Variants in GLIPR2 observed in about 807,000 individuals in gnomAD.
GLIPR2 encodes the protein GLI pathogenesis related 2, also known as Golgi-associated plant pathogenesis-related protein 1.
In GLIPR2, 21 loss-of-function variants were observed where a neutral mutation model predicts 20.4. That is an observed-to-expected ratio of 1.03 (90% CI 0.73 to 1.48). The LOEUF is 1.48. Among genes scored for constraint, GLIPR2 ranks in the 40% most tolerant of loss-of-function variants. The pLI is 0.00. For synonymous variants in GLIPR2, 91 were observed against 80.5 expected (o/e 1.13, Z -0.70); for missense variants, 205 against 200.1 (o/e 1.02, Z -0.15).
chr9:36,143,394 C>T (rs1158636775), intron 1 of GLIPR2, among the ~76,000 whole-genome samples: 2 of 152,180 alleles, frequency 1.3e-5, no homozygotes, highest in African/African-American at 4.8e-5. Context: ...CATTTGTGGT[C>T]ACCACTGCAC....
intron 4 of GLIPR2, among the ~76,000 whole-genome samples, chr9:36,151,485 C>G (rs541332321): frequency 6.6e-6 from 1 of 152,242 alleles, no homozygotes; most frequent in South Asian, 2.1e-4. Context: ...TTTCTCCCTT[C>G]CCCTTTCTGC....
At chr9:36,150,267 T>G (rs1326308864) in intron 3 of GLIPR2, among the ~76,000 whole-genome samples, 1 of 152,128 alleles carries the variant, frequency 6.6e-6, no homozygotes, top group African/African-American at 2.4e-5. Context: ...TTGCACACAT[T>G]TGAGACTGAC....
chr9:36,154,109 C>T (rs10972760), intron 4 of GLIPR2, among the ~76,000 whole-genome samples: 2 of 146,710 alleles, frequency 1.4e-5, no homozygotes, highest in East Asian at 2.0e-4. Context: ...TTTCCCCCCC[C>T]CTTTGAGACC....
upstream of GLIPR2, chr9:36,136,609 G>A: frequency 2.5e-6 from 1 of 404,820 alleles, no homozygotes; most frequent in Non-Finnish European, 4.1e-6. The surrounding 1 kb of genome is among the most constrained non-coding windows in gnomAD (Gnocchi z 4.3). Context: ...GGCCCACGGG[G>A]TGGCCCCGGG....
At chr9:36,155,517 C>A (rs1825789948) in intron 4 of GLIPR2, among the ~76,000 whole-genome samples, 1 of 152,070 alleles carries the variant, frequency 6.6e-6, no homozygotes, top group South Asian at 2.1e-4. Flanking sequence ...TCACTTGAAC[C>A]CAGGAGGCGG....
intron 1 of GLIPR2, among the ~76,000 whole-genome samples, chr9:36,138,133 G>C (rs1163980143): frequency 2.6e-5 from 4 of 152,244 alleles, no homozygotes; most frequent in African/African-American, 9.6e-5. Flanking sequence ...TGGCAGATGA[G>C]AGCGAGTCTT....
In GLIPR2 at chr9:36,147,847, C is replaced by CG; in HGVS notation, c.76dup (p.Val26GlyfsTer19). ...ACAATGAGTACCGGCAGAAGCACGGCGTCCCCCCACTGAAGCTCTGCAAGA... is the reference window on the plus strand; with the variant it reads ...ACAATGAGTACCGGCAGAAGCACGGCGGTCCCCCCACTGAAGCTCTGCAAGA... On this transcript the variant is annotated frameshift_variant, in exon 2 of 5. Transcript: ENST00000377960. LOFTEE classifies it high-confidence loss of function. 2.5e-6 allele frequency: 4 copies of CG among 1,597,958 alleles called. No individual in the cohort carries two copies. The highest frequency in any genetic ancestry group is 2.6e-6 in the Non-Finnish European group (3 of 1,165,314).
At chr9:36,152,941 T>C in intron 4 of GLIPR2, among the ~76,000 whole-genome samples, 1 of 97,542 alleles carries the variant, frequency 1.0e-5, no homozygotes, top group East Asian at 3.3e-4. Flanking sequence ...ATCCTGTCTC[T>C]ACTGAAAGTG....
In GLIPR2 at chr9:36,136,881, C is replaced by A; in HGVS notation, c.13+90C>A. On this transcript the variant is annotated intron_variant, in intron 1 of 4. Coordinates refer to ENST00000377960, the MANE Select transcript of GLIPR2 (RefSeq NM_022343.4). This position sits in a 1 kb window ranked among gnomAD's most constrained non-coding sequence, Gnocchi z 4.3. ...TCCCTCGTCCGCCGCAAGCCAGGTC[C>A]TGGGGAGTGCGGGAGCCCGGGGTGC... 1.6e-6 allele frequency: 2 copies of A among 1,225,966 alleles called. No homozygotes were observed. Among genetic ancestry groups the A allele is most frequent in the Non-Finnish European group, 2.0e-6 (2 of 981,162 alleles). 75.9% of individuals were successfully genotyped at this position (1,225,966 alleles called of 1,614,324 possible).
chr9:36,136,891 C>G lies in GLIPR2; in HGVS notation c.13+100C>G. The G allele has an allele frequency of 1.7e-6, 2 of 1,208,238 alleles. No homozygotes were observed. The allele number at this position is 1,208,238 out of a possible 1,614,324, so 74.8% of individuals were successfully genotyped here. ...GCCGCAAGCCAGGTCCTGGGGAGTG[C>G]GGGAGCCCGGGGTGCGGGTGGAGGG... On this transcript the variant is annotated intron_variant, in intron 1 of 4. Coordinates refer to ENST00000377960, the MANE Select transcript of GLIPR2 (RefSeq NM_022343.4). The surrounding 1 kb of genome is among the most constrained non-coding windows in gnomAD (Gnocchi z 4.3).
Position 36,162,729 on chromosome 9 carries a change from C to A in GLIPR2, c.*207C>A. 1.6e-6 allele frequency: 1 copy of A among 625,842 alleles called. No individual in the cohort carries two copies. The highest frequency in any genetic ancestry group is 2.8e-6 in the Non-Finnish European group (1 of 356,848). 38.8% of individuals were successfully genotyped at this position (625,842 alleles called of 1,614,324 possible). ...GGAGTGAGCAAAGGAAGCATTTACC[C>A]CGATGGTTACCTAGACCACGATTAT... On this transcript the variant is annotated 3_prime_UTR_variant, in exon 5 of 5. Coordinates refer to ENST00000377960, the MANE Select transcript of GLIPR2 (RefSeq NM_022343.4).
chr9:36,154,127 A>C (rs1825728529), intron 4 of GLIPR2, among the ~76,000 whole-genome samples: 1 of 142,414 alleles, frequency 7.0e-6, no homozygotes, highest in South Asian at 2.3e-4. Flanking sequence ...ACCGAGTCTC[A>C]CTCCGTTGCC....
intron 4 of GLIPR2, among the ~76,000 whole-genome samples, chr9:36,152,750 CAA>C (rs1217889590): frequency 0.12 from 4,861 of 41,626 alleles, 102 homozygotes; most frequent in Non-Finnish European, 0.14. Context: ...AACTCTGTCT[CAA>C]AAAAAAAAAA....
intron 4 of GLIPR2, among the ~76,000 whole-genome samples, chr9:36,152,072 G>T (rs1825610000): frequency 6.6e-6 from 1 of 152,186 alleles, no homozygotes; most frequent in African/African-American, 2.4e-5. Flanking sequence ...CTGGGTGGGG[G>T]TTTCTGCAAC....
At chr9:36,159,163 G>A (rs897200264) in intron 4 of GLIPR2, among the ~76,000 whole-genome samples, 6 of 152,280 alleles carry the variant, frequency 3.9e-5, no homozygotes, top group South Asian at 2.1e-4. Context: ...AGCTATATTC[G>A]TAGCTTGAAA....
At chr9:36,155,155 G>T (rs1825778146) in intron 4 of GLIPR2, among the ~76,000 whole-genome samples, 1 of 152,116 alleles carries the variant, frequency 6.6e-6, no homozygotes, top group African/African-American at 2.4e-5. Flanking sequence ...TTGTACTTAG[G>T]GTTTGTTTTC....
At chr9:36,157,976 C>A (rs2132783067) in intron 4 of GLIPR2, among the ~76,000 whole-genome samples, 4 of 152,102 alleles carry the variant, frequency 2.6e-5, no homozygotes, top group Admixed American at 2.6e-4. Context: ...CCACACCTGG[C>A]TAATTTTTCT....
intron 4 of GLIPR2, 111 bp downstream of exon 4, chr9:36,151,060 T>C: frequency 2.7e-6 from 2 of 742,444 alleles, no homozygotes; most frequent in Admixed American, 2.1e-5. Flanking sequence ...TCCTTCCTGT[T>C]TAATCTCTTC....
At chr9:36,154,236 A>T (rs1052461174) in intron 4 of GLIPR2, among the ~76,000 whole-genome samples, 2 of 151,580 alleles carry the variant, frequency 1.3e-5, no homozygotes, top group African/African-American at 4.9e-5. Flanking sequence ...TAATATTTTT[A>T]TATGATATGA....
Sources: gnomAD v4.1 joint callset for allele counts (sites outside exome capture counted in the v4.1 genomes callset) on GRCh38, gnomAD v4.1.1 for gene constraint, Gnocchi (gnomAD v3.1) non-coding constraint, MANE v1.5 for transcripts, NCBI Gene and HGNC (gene_info 2026-07-23, HGNC 2026-07-21) for gene names.